The following LRMDA variants were observed in gnomAD, a reference collection of about 807,000 sequenced individuals.
The protein encoded by LRMDA is leucine-rich melanocyte differentiation-associated protein.
A neutral mutation model predicts 29.8 loss-of-function variants in LRMDA; 18 were observed. The observed-to-expected ratio is 0.60, with a 90% CI of 0.42 to 0.90. The LOEUF (loss-of-function observed/expected upper bound fraction) is 0.90. Ranked by LOEUF, LRMDA falls within the 40% of genes least tolerant of loss-of-function variation. The probability of loss-of-function intolerance (pLI) is 0.00; values close to 1 mark genes in which losing one functional copy is unlikely to be tolerated. For synonymous variants in LRMDA, 125 were observed against 109.4 expected (o/e 1.14, Z -0.89); for missense variants, 273 against 273.9 (o/e 1.00, Z 0.02).
intron 2 of LRMDA, among the ~76,000 whole-genome samples, chr10:75,701,969 G>T (rs4746320): frequency 0.037 from 5,684 of 152,082 alleles, 270 homozygotes; most frequent in African/African-American, 0.11. Flanking sequence ...TGCTTCGGCC[G>T]CATGTTTCTC....
intron 2 of LRMDA, among the ~76,000 whole-genome samples, chr10:75,681,084 T>G (rs1024360424): frequency 8.5e-5 from 13 of 152,224 alleles, no homozygotes; most frequent in African/African-American, 2.9e-4. Context: ...ATATTAACCT[T>G]TTGTTGATTT....
In LRMDA at chr10:76,275,418, T is replaced by A. The variant is rs555908430; in HGVS notation, c.517-48983T>A. Reference sequence around the variant, plus strand: ...TTTTTCTTCATTTTGGGGACTTTTTTAAGTATATGTTTGAATATATTTTCT... The same window carrying A: ...TTTTTCTTCATTTTGGGGACTTTTTAAAGTATATGTTTGAATATATTTTCT... On this transcript the variant is annotated intron_variant, in intron 5 of 6. Transcript: ENST00000611255. Among the ~76,000 whole-genome samples the A allele has an allele frequency of 1.3e-4, 20 of 152,218 alleles. No individual in the cohort carries two copies. The East Asian group carries it at 1.9e-3, about 15-fold the overall frequency.
intron 2 of LRMDA, among the ~76,000 whole-genome samples, chr10:75,901,931 C>T (rs932579385): frequency 7.9e-4 from 121 of 152,266 alleles, no homozygotes; most frequent in African/African-American, 2.8e-3. Context: ...ATTGTGTTTT[C>T]TCATACTGTG....
intron 2 of LRMDA, among the ~76,000 whole-genome samples, chr10:76,009,544 C>G (rs901527392): frequency 6.6e-6 from 1 of 152,138 alleles, no homozygotes; most frequent in African/African-American, 2.4e-5. Context: ...GCCAGGAGCT[C>G]GCAACCTTGC....
intron 6 of LRMDA, among the ~76,000 whole-genome samples, chr10:76,484,670 T>A (rs2132329676): frequency 6.6e-6 from 1 of 152,086 alleles, no homozygotes; most frequent in South Asian, 2.1e-4. Flanking sequence ...TTTATGTAGT[T>A]TTCTGTAAAT....
At chr10:76,151,663 G>T (rs917441897) in intron 5 of LRMDA, among the ~76,000 whole-genome samples, 19 of 152,158 alleles carry the variant, frequency 1.2e-4, no homozygotes, top group Non-Finnish European at 2.4e-4. Context: ...CAAGAGAAAA[G>T]TATTTTTTGT....
intron 2 of LRMDA, among the ~76,000 whole-genome samples, chr10:75,714,739 G>T (rs891229230): frequency 5.9e-5 from 9 of 151,932 alleles, no homozygotes; most frequent in African/African-American, 2.2e-4. Context: ...ATAACAATTT[G>T]ATTTTTTTTT....
At chr10:75,636,406 A>G (rs1488673867) in intron 2 of LRMDA, among the ~76,000 whole-genome samples, 2 of 152,212 alleles carry the variant, frequency 1.3e-5, no homozygotes, top group Admixed American at 1.3e-4. Flanking sequence ...ATGCCAAACA[A>G]TAGTGAGGAT....
intron 6 of LRMDA, among the ~76,000 whole-genome samples, chr10:76,434,916 T>C (rs1460695320): frequency 1.3e-5 from 2 of 152,202 alleles, no homozygotes; most frequent in Non-Finnish European, 2.9e-5. Context: ...TCTTCATTAA[T>C]GCCAGTAGCC....
chr10:75,827,735 T>G (rs1844271673), intron 2 of LRMDA, among the ~76,000 whole-genome samples: 1 of 152,252 alleles, frequency 6.6e-6, no homozygotes, highest in South Asian at 2.1e-4. Context: ...TGTTGCAGAA[T>G]GTACGTTATC....
chr10:76,520,911 T>C (rs1843111645), intron 6 of LRMDA, among the ~76,000 whole-genome samples: 1 of 152,166 alleles, frequency 6.6e-6, no homozygotes, highest in Non-Finnish European at 1.5e-5. Context: ...ATTTTAGAAC[T>C]TTTTCTAATT....
intron 2 of LRMDA, among the ~76,000 whole-genome samples, chr10:75,980,948 A>G (rs1284209076): frequency 6.6e-6 from 1 of 152,140 alleles, no homozygotes; most frequent in Admixed American, 6.5e-5. Context: ...TGTGTTATAG[A>G]ACTCTCCCCT....
intron 2 of LRMDA, among the ~76,000 whole-genome samples, chr10:75,862,313 T>C (rs555037934): frequency 2.0e-5 from 3 of 152,138 alleles, no homozygotes; most frequent in African/African-American, 7.2e-5. Context: ...GGAAATACTT[T>C]TATTTACTTC....
intron 2 of LRMDA, among the ~76,000 whole-genome samples, chr10:75,683,526 A>G (rs1842048426): frequency 6.6e-6 from 1 of 152,240 alleles, no homozygotes; most frequent in Non-Finnish European, 1.5e-5. Flanking sequence ...ATAACCTTAT[A>G]AGAACATTGC....
intron 6 of LRMDA, among the ~76,000 whole-genome samples, chr10:76,348,276 T>C (rs1841133200): frequency 6.6e-6 from 1 of 152,126 alleles, no homozygotes; most frequent in Non-Finnish European, 1.5e-5. Flanking sequence ...GCCTGGGGGC[T>C]CCTGTGCATT....
intron 2 of LRMDA, among the ~76,000 whole-genome samples, chr10:75,455,629 C>A (rs974764344): frequency 6.6e-6 from 1 of 152,134 alleles, no homozygotes; most frequent in Non-Finnish European, 1.5e-5. Flanking sequence ...CCCAGCCAGC[C>A]CAGCAAAGCA....
At chr10:76,182,168 G>C (rs1448775859) in intron 5 of LRMDA, among the ~76,000 whole-genome samples, 3 of 152,098 alleles carry the variant, frequency 2.0e-5, no homozygotes, top group Non-Finnish European at 4.4e-5. Flanking sequence ...TGTGGCTGGG[G>C]AGGCCTCAGG....
chr10:76,130,338 C>A lies in LRMDA; in HGVS notation c.516+71555C>A, dbSNP rs185042597. Among the ~76,000 whole-genome samples the A allele has an allele frequency of 1.5e-4, 23 of 152,314 alleles. No individual in the cohort carries two copies. The East Asian group carries it at 4.2e-3, about 28-fold the overall frequency. On this transcript the variant is annotated intron_variant, in intron 5 of 6. Transcript: ENST00000611255. ...ATTTGGGTAGGCTACTAGTGTGGAACCTCACCTCTGTTACTCTCAGTTACT... is the reference window on the plus strand; with the variant it reads ...ATTTGGGTAGGCTACTAGTGTGGAAACTCACCTCTGTTACTCTCAGTTACT...
chr10:76,282,956 G>T (rs918924277), intron 5 of LRMDA, among the ~76,000 whole-genome samples: 1 of 152,108 alleles, frequency 6.6e-6, no homozygotes, highest in Non-Finnish European at 1.5e-5. Context: ...GTGTGTTGCT[G>T]ATACTTAAAC....
Sources: gnomAD v4.1 joint callset for allele counts (sites outside exome capture counted in the v4.1 genomes callset) on GRCh38, gnomAD v4.1.1 for gene constraint, MANE v1.5 for transcripts, NCBI Gene and HGNC (gene_info 2026-07-23, HGNC 2026-07-21) for gene names.